Variants in GRM8 observed in about 807,000 individuals in gnomAD.
GRM8 encodes the protein glutamate metabotropic receptor 8, also known as metabotropic glutamate receptor 8.
Under a neutral mutation model 87.2 loss-of-function variants are expected in GRM8, and 47 were observed. The observed-to-expected ratio is 0.54, with a 90% CI of 0.43 to 0.69. The LOEUF is 0.69. GRM8 is among the 30% of genes least tolerant of loss of function. GRM8 has a pLI of 0.00. For missense variants in GRM8, 1,019 were observed against 1,139.2 expected (o/e 0.89, Z 1.52); for synonymous variants, 396 against 404.5 (o/e 0.98, Z 0.25).
chr7:126,922,474 A>T (rs1804629959), intron 3 of GRM8, among the ~76,000 whole-genome samples: 1 of 152,162 alleles, frequency 6.6e-6, no homozygotes, highest in Admixed American at 6.6e-5. Flanking sequence ...AAATGGAGAC[A>T]AATACCAGAA....
At chr7:126,893,385 C>A (rs1801250022) in intron 6 of GRM8, among the ~76,000 whole-genome samples, 1 of 151,946 alleles carries the variant, frequency 6.6e-6, no homozygotes, top group South Asian at 2.1e-4. Flanking sequence ...GACAAACTAT[C>A]AGAATAGTAC....
intron 8 of GRM8, among the ~76,000 whole-genome samples, chr7:126,566,030 T>C (rs1463542937): frequency 2.0e-5 from 3 of 152,020 alleles, no homozygotes; most frequent in African/African-American, 7.2e-5. Flanking sequence ...TATGCAAAAA[T>C]CAAGTCAAAA....
At chr7:126,476,631 G>A (rs2150576114) in intron 9 of GRM8, among the ~76,000 whole-genome samples, 1 of 152,146 alleles carries the variant, frequency 6.6e-6, no homozygotes, top group East Asian at 1.9e-4. Flanking sequence ...TGACCAATAG[G>A]TGTATGAAAA....
intron 6 of GRM8, among the ~76,000 whole-genome samples, chr7:126,788,282 C>A (rs900065782): frequency 5.9e-5 from 9 of 151,414 alleles, no homozygotes; most frequent in African/African-American, 1.9e-4. Flanking sequence ...TGGTGGTGGG[C>A]ACCTGTAAAC....
At chr7:126,480,315 C>T (rs1806516399) in intron 9 of GRM8, among the ~76,000 whole-genome samples, 1 of 152,050 alleles carries the variant, frequency 6.6e-6, no homozygotes, top group African/African-American at 2.4e-5. Flanking sequence ...ACCTGAGAGG[C>T]AGAGGTTGAG....
chr7:127,106,675 A>G lies in GRM8; in HGVS notation c.548T>C (p.Leu183Pro). 6.2e-7 allele frequency: 1 copy of G among 1,613,914 alleles called. No homozygotes were observed. The highest frequency in any genetic ancestry group is 8.5e-7 in the Non-Finnish European group (1 of 1,179,796). ...AAAGTCATACCTGGTGTTATCACTTAGCTCTGGGGCTGTGGATGCATAGCT... is the reference window on the plus strand; with the variant it reads ...AAAGTCATACCTGGTGTTATCACTTGGCTCTGGGGCTGTGGATGCATAGCT... Reference protein sequence around the residue: ...QISYASTAPELSDNTRYDFFS... With the variant: ...QISYASTAPEPSDNTRYDFFS... The change falls in exon 3 of 11, where the codon CTA (leucine) becomes CCA (proline). Residue 183 changes from leucine to proline, a missense_variant. Leu to Pro is a moderately conservative substitution (Grantham distance 98, BLOSUM62 -3). Transcript: ENST00000339582.
chr7:126,455,353 G>T (rs903569440), intron 9 of GRM8, among the ~76,000 whole-genome samples: 1 of 151,284 alleles, frequency 6.6e-6, no homozygotes, highest in African/African-American at 2.4e-5. Flanking sequence ...TAAATACACC[G>T]AGAAGTGAAA....
chr7:126,508,457 G>C (rs913688072), intron 9 of GRM8, among the ~76,000 whole-genome samples: 1 of 151,926 alleles, frequency 6.6e-6, no homozygotes, highest in African/African-American at 2.4e-5. Flanking sequence ...GGAACCTCAT[G>C]ACCTAAACAC....
chr7:126,976,662 T>C (rs1292857380), intron 3 of GRM8, among the ~76,000 whole-genome samples: 2 of 152,196 alleles, frequency 1.3e-5, no homozygotes. Flanking sequence ...AATGGTCTTA[T>C]GTTTCCAAAA....
chr7:126,924,507 G>A (rs760165529), intron 3 of GRM8, among the ~76,000 whole-genome samples: 2 of 152,142 alleles, frequency 1.3e-5, no homozygotes, highest in African/African-American at 4.8e-5. Flanking sequence ...CTAGTAACAG[G>A]TTTTTCTCAC....
chr7:127,198,972 G>T (rs1795445170), intron 2 of GRM8, among the ~76,000 whole-genome samples: 1 of 151,782 alleles, frequency 6.6e-6, no homozygotes, highest in Non-Finnish European at 1.5e-5. Context: ...TTCCTGAGTA[G>T]CTGGGATTAC....
intron 3 of GRM8, among the ~76,000 whole-genome samples, chr7:127,038,590 A>C (rs1299529731): frequency 6.6e-6 from 1 of 152,180 alleles, no homozygotes; most frequent in Admixed American, 6.5e-5. Context: ...ATTATTTTTT[A>C]AATTTATTTA....
intron 2 of GRM8, among the ~76,000 whole-genome samples, chr7:127,223,355 G>A (rs1320293106): frequency 6.6e-6 from 1 of 151,660 alleles, no homozygotes; most frequent in Non-Finnish European, 1.5e-5. Context: ...ACCAGGAAAG[G>A]GGCAGCCTAG....
At chr7:126,527,747 T>A (rs77564363) in intron 9 of GRM8, among the ~76,000 whole-genome samples, 1 of 152,220 alleles carries the variant, frequency 6.6e-6, no homozygotes, top group African/African-American at 2.4e-5. Context: ...TGATGATATT[T>A]TTTTTCTTCC....
chr7:126,902,283 T>C (rs1381418843), intron 6 of GRM8, among the ~76,000 whole-genome samples: 3 of 152,154 alleles, frequency 2.0e-5, no homozygotes, highest in Non-Finnish European at 2.9e-5. Context: ...AAGTAGACAA[T>C]AAATGTTTCC....
chr7:126,503,645 G>A (rs1279983536), intron 9 of GRM8, among the ~76,000 whole-genome samples: 1 of 152,004 alleles, frequency 6.6e-6, no homozygotes, highest in East Asian at 1.9e-4. Context: ...GCATTATATA[G>A]TAAAATTTTA....
At chr7:126,893,389 A>G (rs1801250666) in intron 6 of GRM8, among the ~76,000 whole-genome samples, 1 of 152,020 alleles carries the variant, frequency 6.6e-6, no homozygotes, top group African/African-American at 2.4e-5. Flanking sequence ...AACTATCAGA[A>G]TAGTACATTT....
chr7:127,138,730 AAAAG>A (rs1026729075), intron 2 of GRM8, among the ~76,000 whole-genome samples: 1 of 152,156 alleles, frequency 6.6e-6, no homozygotes, highest in African/African-American at 2.4e-5. Context: ...AAACCCAAAG[AAAAG>A]AGATAAAACA....
intron 6 of GRM8, among the ~76,000 whole-genome samples, chr7:126,886,145 A>G (rs1351261089): frequency 6.6e-6 from 1 of 152,132 alleles, no homozygotes; most frequent in Admixed American, 6.6e-5. Flanking sequence ...AGAGATATTG[A>G]AGATAGGGGT....
Sources: gnomAD v4.1 joint callset for allele counts (sites outside exome capture counted in the v4.1 genomes callset) on GRCh38, gnomAD v4.1.1 for gene constraint, MANE v1.5 for transcripts, NCBI Gene and HGNC (gene_info 2026-07-23, HGNC 2026-07-21) for gene names.